The following HS6ST2 variants were observed in gnomAD, a reference collection of about 807,000 sequenced individuals.
HS6ST2 encodes the protein heparan sulfate 6-O-sulfotransferase 2.
In HS6ST2, 17 loss-of-function variants were observed where a neutral mutation model predicts 33.0. That is an observed-to-expected ratio of 0.52 (90% confidence interval 0.35 to 0.77). HS6ST2 has a LOEUF of 0.77. Ranked by LOEUF, HS6ST2 falls within the 30% of genes least tolerant of loss-of-function variation. The pLI is 0.01. For missense variants in HS6ST2, 519 were observed against 551.7 expected, an observed-to-expected ratio of 0.94 and a Z score of 0.59; for synonymous variants, 248 against 237.1, an observed-to-expected ratio of 1.05 and a Z score of -0.42.
At chrX:132,659,580 C>CTAAG (rs2063755973) in intron 4 of HS6ST2, among the ~76,000 whole-genome samples, 2 of 45,137 alleles carry the variant, frequency 4.4e-5, no homozygotes, top group African/African-American at 1.6e-3. Flanking sequence ...CCTATCCCAT[C>CTAAG]TGAGGCCTCC....
At chrX:132,637,747 A>T (rs1239827400) in intron 4 of HS6ST2, among the ~76,000 whole-genome samples, 33 of 78,593 alleles carry the variant, frequency 4.2e-4, no homozygotes, top group African/African-American at 1.5e-3. Context: ...ATATATAAAA[A>T]ATATATATAT....
At chrX:132,798,012 CAAA>C (rs140144337) in intron 2 of HS6ST2, among the ~76,000 whole-genome samples, 6 of 55,814 alleles carry the variant, frequency 1.1e-4, no homozygotes, top group African/African-American at 1.5e-4. Flanking sequence ...GACTTTGTCT[CAAA>C]AAAAAAAAAA....
At chrX:132,743,490 G>T (rs1222424811) in intron 2 of HS6ST2, among the ~76,000 whole-genome samples, 1 of 112,218 alleles carries the variant, frequency 8.9e-6, no homozygotes, top group Non-Finnish European at 1.9e-5. Flanking sequence ...TGAAGAACTA[G>T]GGCAATTTCC....
At chrX:132,691,850 T>C (rs1237094802) in intron 3 of HS6ST2, among the ~76,000 whole-genome samples, 1 of 111,783 alleles carries the variant, frequency 8.9e-6, no homozygotes, top group Non-Finnish European at 1.9e-5. Flanking sequence ...ACTCCTTGGG[T>C]ATCTTGTCTT....
chrX:132,633,613 CAGAG>C (rs766668774), intron 4 of HS6ST2, among the ~76,000 whole-genome samples: 359 of 110,979 alleles, frequency 3.2e-3, no homozygotes, highest in Non-Finnish European at 5.8e-3. Flanking sequence ...ATCTGGCACT[CAGAG>C]AGCAACCTGG....
intron 2 of HS6ST2, among the ~76,000 whole-genome samples, chrX:132,851,146 A>C (rs1020869642): frequency 8.9e-6 from 1 of 112,063 alleles, no homozygotes; most frequent in Non-Finnish European, 1.9e-5. Flanking sequence ...TCAAGAAGCT[A>C]AGGTTATTTC....
intron 2 of HS6ST2, among the ~76,000 whole-genome samples, chrX:132,912,079 A>G (rs925890651): frequency 8.9e-6 from 1 of 112,327 alleles, no homozygotes; most frequent in Non-Finnish European, 1.9e-5. Flanking sequence ...GGGGCAAATC[A>G]CTTGTCCTCT....
intron 2 of HS6ST2, among the ~76,000 whole-genome samples, chrX:132,755,303 T>G (rs1052760799): frequency 1.8e-5 from 2 of 111,913 alleles, no homozygotes; most frequent in Non-Finnish European, 1.9e-5. Context: ...ATGTTCTGCT[T>G]TTTGTTTTTG....
At chrX:132,851,713 A>G (rs1228454815) in intron 2 of HS6ST2, among the ~76,000 whole-genome samples, 1 of 110,693 alleles carries the variant, frequency 9.0e-6, no homozygotes, top group Admixed American at 9.6e-5. Context: ...GGGGAAAGTG[A>G]AAAAAAAAGA....
chrX:132,893,839 C>A (rs1433982888), intron 2 of HS6ST2, among the ~76,000 whole-genome samples: 1 of 111,423 alleles, frequency 9.0e-6, no homozygotes, highest in African/African-American at 3.3e-5. Context: ...CAATCCTGAG[C>A]CTAATTTCCA....
At position 132,628,178 on chromosome X, in the gene HS6ST2, T is replaced by C; in HGVS notation, c.*45A>G. ...TCATCTTTTAAGCTATGCCATCTTT[T>C]CAGTGGCGCTTTGGGAGAAGTATGT... is the stretch of plus-strand genomic sequence containing the variant. On this transcript the variant is annotated 3_prime_UTR_variant, in exon 5 of 5. Coordinates refer to ENST00000370833, the MANE Select transcript of HS6ST2 (RefSeq NM_001394073.1). 1 of 912,325 alleles carries C rather than the reference T, an allele frequency of 1.1e-6. No individual in the cohort carries two copies. The highest frequency in any genetic ancestry group is 1.5e-6 in the Non-Finnish European group (1 of 662,694). 75.2% of individuals were successfully genotyped at this position (912,325 alleles called of 1,213,427 possible).
At chrX:132,888,586 C>A (rs889743475) in intron 2 of HS6ST2, among the ~76,000 whole-genome samples, 6 of 111,652 alleles carry the variant, frequency 5.4e-5, no homozygotes, top group Non-Finnish European at 1.1e-4. Flanking sequence ...CTCACTGCAA[C>A]CTCCGCCTCC....
intron 2 of HS6ST2, among the ~76,000 whole-genome samples, chrX:132,747,077 C>T (rs1254752436): frequency 8.0e-5 from 9 of 112,134 alleles, no homozygotes; most frequent in Non-Finnish European, 1.7e-4. Flanking sequence ...GGTCCCTGTC[C>T]TCAAGAAGTT....
intron 2 of HS6ST2, among the ~76,000 whole-genome samples, chrX:132,836,011 C>G (rs1039876543): frequency 2.7e-5 from 3 of 111,520 alleles, no homozygotes; most frequent in East Asian, 2.8e-4. Context: ...TCTGGAGTAC[C>G]CTTTCGAATT....
chrX:132,845,885 G>A (rs1035928977), intron 2 of HS6ST2, among the ~76,000 whole-genome samples: 1 of 111,007 alleles, frequency 9.0e-6, no homozygotes, highest in Non-Finnish European at 1.9e-5. Flanking sequence ...CAAAATGAAG[G>A]GTCTTTTACA....
chrX:132,780,156 A>G (rs2065005806), intron 2 of HS6ST2, among the ~76,000 whole-genome samples: 1 of 111,103 alleles, frequency 9.0e-6, no homozygotes, highest in East Asian at 2.8e-4. Flanking sequence ...GACTTTGTTC[A>G]GTCTCCATAT....
chrX:132,944,341 C>T (rs2066920245), intron 2 of HS6ST2, among the ~76,000 whole-genome samples: 1 of 111,242 alleles, frequency 9.0e-6, no homozygotes, highest in Admixed American at 9.6e-5. Context: ...AACCACTGCT[C>T]GATGAAACAA....
intron 3 of HS6ST2, among the ~76,000 whole-genome samples, chrX:132,703,275 A>C (rs979448743): frequency 1.8e-5 from 2 of 112,470 alleles, no homozygotes; most frequent in African/African-American, 6.5e-5. Flanking sequence ...CATGAAGGGG[A>C]CTTTGAAACT....
chrX:132,859,606 G>A (rs1257550833), intron 2 of HS6ST2, among the ~76,000 whole-genome samples: 1 of 103,828 alleles, frequency 9.6e-6, no homozygotes, highest in African/African-American at 3.5e-5. Context: ...AAAGAGGAGG[G>A]GAGGAAAGAA....
Sources: allele counts gnomAD v4.1 joint callset (sites outside exome capture counted in the v4.1 genomes callset), GRCh38; gene constraint gnomAD v4.1.1; transcripts MANE v1.5; gene names NCBI Gene and HGNC (gene_info 2026-07-23, HGNC 2026-07-21).